The following LTBP1 variants were observed in gnomAD, a reference collection of about 807,000 sequenced individuals.
LTBP1 encodes latent transforming growth factor beta binding protein 1.
A neutral mutation model predicts 207.6 loss-of-function variants in LTBP1; 129 were observed. The ratio of observed to expected loss-of-function variants is 0.62; its 90% CI spans 0.54 to 0.72. The LOEUF (loss-of-function observed/expected upper bound fraction) is 0.72. Among genes scored for constraint, LTBP1 ranks in the 30% least tolerant of loss-of-function variants. The pLI is 0.00. For missense variants in LTBP1, 2,281 were observed against 2,217.2 expected, an observed-to-expected ratio of 1.03 and a Z score of -0.58; for synonymous variants, 963 against 833.7, an observed-to-expected ratio of 1.16 and a Z score of -2.67.
In LTBP1 at chr2:32,985,971, C is replaced by T. The variant is rs572810078; in HGVS notation, c.566-34938C>T. ...CTGTCTGTTTCTGAAGGAAGGACATCGCTTATTTGAGGGTTTCTAAGGGTG... is the reference window on the plus strand; with the variant it reads ...CTGTCTGTTTCTGAAGGAAGGACATTGCTTATTTGAGGGTTTCTAAGGGTG... On this transcript the variant is annotated intron_variant, in intron 2 of 33. Coordinates refer to ENST00000404816, the MANE Select transcript of LTBP1 (RefSeq NM_206943.4). Among the ~76,000 whole-genome samples the T allele has an allele frequency of 3.3e-5, 5 of 152,240 alleles. No homozygotes were observed. The South Asian group carries it at 6.2e-4, about 19-fold the overall frequency.
intron 3 of LTBP1, among the ~76,000 whole-genome samples, chr2:33,046,977 A>G (rs1558559373): frequency 1.3e-5 from 2 of 151,746 alleles, no homozygotes; most frequent in Non-Finnish European, 2.9e-5. Flanking sequence ...ATCATTTTTT[A>G]TTGTGTCTAT....
At chr2:33,245,655 G>C (rs1237759632) in intron 10 of LTBP1, among the ~76,000 whole-genome samples, 1 of 152,086 alleles carries the variant, frequency 6.6e-6, no homozygotes, top group Admixed American at 6.6e-5. Flanking sequence ...GGAAATTTCA[G>C]GCCAAAAATC....
intron 2 of LTBP1, among the ~76,000 whole-genome samples, chr2:32,951,420 T>C (rs1677083357): frequency 6.6e-6 from 1 of 152,236 alleles, no homozygotes; most frequent in Non-Finnish European, 1.5e-5. Flanking sequence ...AAGAGGGGAC[T>C]TACTTTGCAT....
At chr2:33,238,294 G>A (rs2092146414) in intron 9 of LTBP1, among the ~76,000 whole-genome samples, 1 of 152,158 alleles carries the variant, frequency 6.6e-6, no homozygotes, top group Admixed American at 6.5e-5. Context: ...TGTTGGACAT[G>A]CCTCATTTCC....
At chr2:32,968,326 A>T (rs952022437) in intron 2 of LTBP1, among the ~76,000 whole-genome samples, 1 of 152,062 alleles carries the variant, frequency 6.6e-6, no homozygotes, top group Non-Finnish European at 1.5e-5. Context: ...CACATTAAGG[A>T]TTGGTTATGT....
intron 3 of LTBP1, among the ~76,000 whole-genome samples, chr2:33,097,010 A>C (rs10169790): frequency 0.17 from 25,973 of 152,136 alleles, 2,723 homozygotes; most frequent in South Asian, 0.27. Context: ...TGGAAGGGAG[A>C]GGAAGATACT....
At chr2:33,200,268 C>T (rs2089067864) in intron 7 of LTBP1, among the ~76,000 whole-genome samples, 1 of 152,048 alleles carries the variant, frequency 6.6e-6, no homozygotes, top group South Asian at 2.1e-4. Context: ...GTACTGGTAC[C>T]AAAACAGAGA....
intron 4 of LTBP1, among the ~76,000 whole-genome samples, chr2:33,124,266 C>T (rs775579387): frequency 3.3e-5 from 5 of 152,112 alleles, no homozygotes; most frequent in East Asian, 3.9e-4. Flanking sequence ...AAAAATTAGC[C>T]GGGCATGGTG....
intron 7 of LTBP1, among the ~76,000 whole-genome samples, chr2:33,204,761 C>G (rs559798829): frequency 6.6e-6 from 1 of 152,036 alleles, no homozygotes; most frequent in Non-Finnish European, 1.5e-5. Flanking sequence ...CAAGCCTCTT[C>G]GTAAGACAAT....
intron 24 of LTBP1, among the ~76,000 whole-genome samples, chr2:33,335,821 G>T (rs2094548122): frequency 6.6e-6 from 1 of 152,088 alleles, no homozygotes; most frequent in African/African-American, 2.4e-5. Context: ...CATTTCCATT[G>T]TAAGCCCCTT....
rs76036370 is a variant in LTBP1 at position 32,979,577 on chromosome 2, A to T, written c.565+30632A>T. On this transcript the variant is annotated intron_variant, in intron 2 of 33. Transcript: ENST00000404816. ...AATACTTAATATAATTTCAGTTTTA[A>T]GAGTTGTTTTGTGGCATAAGATACG... is the stretch of plus-strand genomic sequence containing the variant. Among the ~76,000 whole-genome samples the T allele has an allele frequency of 7.7e-3, 1,164 of 152,152 alleles. 14 individuals are homozygous for T. Among genetic ancestry groups the T allele is most frequent in the African/African-American group, 0.026 (1,068 of 41,548 alleles).
chr2:33,327,850 T>C lies in LTBP1; in HGVS notation c.3730+12581T>C, dbSNP rs1174292017. ...CATTCAAGTTGGTGTTTAAAATGCA[T>C]GTAGAGGGCCGGGTGCAGTGACTCA... On this transcript the variant is annotated intron_variant, in intron 24 of 33. Transcript: ENST00000404816. Among the ~76,000 whole-genome samples, 4 of 151,934 alleles carry C rather than the reference T, an allele frequency of 2.6e-5. 1 individual carries two copies. Among genetic ancestry groups the C allele is most frequent in the Admixed American group, 2.6e-4 (4 of 15,244 alleles).
At chr2:33,027,679 A>T (rs1558532705) in intron 3 of LTBP1, among the ~76,000 whole-genome samples, 1 of 152,078 alleles carries the variant, frequency 6.6e-6, no homozygotes, top group South Asian at 2.1e-4. Flanking sequence ...ACTAAAAAAA[A>T]TACAAAAATT....
chr2:32,999,395 A>ACAATTTTCAGAAGTACACCT (rs1353470779), intron 2 of LTBP1, among the ~76,000 whole-genome samples: 2 of 138,348 alleles, frequency 1.4e-5, no homozygotes, highest in Non-Finnish European at 3.2e-5. Flanking sequence ...GGCGAGGCCT[A>ACAATTTTCAGAAGTACACCT]GACATGGTGT....
At chr2:33,230,556 A>C (rs970020853) in intron 9 of LTBP1, among the ~76,000 whole-genome samples, 6 of 152,176 alleles carry the variant, frequency 3.9e-5, no homozygotes, top group Non-Finnish European at 8.8e-5. Flanking sequence ...TTGTCATTTG[A>C]TTATTATGCT....
intron 7 of LTBP1, among the ~76,000 whole-genome samples, chr2:33,199,473 C>G (rs1280953209): frequency 6.6e-6 from 1 of 152,104 alleles, no homozygotes; most frequent in Non-Finnish European, 1.5e-5. Context: ...TGGGATGTAT[C>G]TCAAAATAAT....
chr2:33,359,972 G>A (rs1268287742), intron 26 of LTBP1, among the ~76,000 whole-genome samples: 1 of 152,178 alleles, frequency 6.6e-6, no homozygotes, highest in Non-Finnish European at 1.5e-5. Flanking sequence ...CAGTTGAGCT[G>A]GGACTAGAAC....
intron 7 of LTBP1, among the ~76,000 whole-genome samples, chr2:33,213,360 A>G (rs1259154379): frequency 6.6e-6 from 1 of 152,206 alleles, no homozygotes; most frequent in Non-Finnish European, 1.5e-5. Context: ...CAAAGGAGGA[A>G]TTCCATTTGT....
At chr2:33,034,862 AAAAG>A (rs1051982460) in intron 3 of LTBP1, among the ~76,000 whole-genome samples, 3 of 152,236 alleles carry the variant, frequency 2.0e-5, no homozygotes, top group African/African-American at 7.2e-5. Context: ...AAATAAAAAA[AAAAG>A]GATGCAATTT....
Sources: gnomAD v4.1 joint callset for allele counts (sites outside exome capture counted in the v4.1 genomes callset) on GRCh38, gnomAD v4.1.1 for gene constraint, MANE v1.5 for transcripts, NCBI Gene and HGNC (gene_info 2026-07-23, HGNC 2026-07-21) for gene names.